LHPP: variants seen among roughly 807,000 people sequenced by gnomAD.
The protein encoded by LHPP is hLHPP.
LHPP carries 24 observed loss-of-function variants against 30.3 expected under a neutral mutation model. The ratio of observed to expected loss-of-function variants is 0.79; its 90% CI spans 0.57 to 1.11. The LOEUF (loss-of-function observed/expected upper bound fraction) is 1.11. LHPP is among the 50% of genes most tolerant of loss of function. The pLI is 0.00. For missense variants in LHPP, 356 were observed against 367.2 expected (o/e 0.97, Z 0.25); for synonymous variants, 150 against 157.1 (o/e 0.95, Z 0.34).
intron 6 of LHPP, among the ~76,000 whole-genome samples, chr10:124,542,830 C>T (rs1463274841): frequency 6.6e-6 from 1 of 152,288 alleles, no homozygotes; most frequent in Non-Finnish European, 1.5e-5. Context: ...GTTTTGTGGA[C>T]GCGCCTGCCT....
intron 1 of LHPP, among the ~76,000 whole-genome samples, chr10:124,475,381 A>C (rs1952913503): frequency 6.6e-6 from 1 of 151,880 alleles, no homozygotes; most frequent in Non-Finnish European, 1.5e-5. Context: ...CTCTACTAAA[A>C]ATACAAAAAA....
At position 124,497,890 on chromosome 10, in the gene LHPP, T is replaced by C; in HGVS notation, c.532-146T>C. 3 of 669,216 alleles carry C rather than the reference T, an allele frequency of 4.5e-6. No homozygotes were observed. In the South Asian group the frequency reaches 5.5e-5, roughly 12 times the overall value. 41.5% of individuals were successfully genotyped at this position (669,216 alleles called of 1,614,324 possible). Reference sequence around the variant, plus strand: ...TTTCTGGAGTTGTGAGGCTCCTGCCTGTGAGATGAGTTCTCAGGCCCACAG... The same window carrying C: ...TTTCTGGAGTTGTGAGGCTCCTGCCCGTGAGATGAGTTCTCAGGCCCACAG... On this transcript the variant is annotated intron_variant, in intron 4 of 6. Transcript: ENST00000368842.
At chr10:124,482,085 A>G (rs1440678324) in intron 1 of LHPP, among the ~76,000 whole-genome samples, 1 of 152,178 alleles carries the variant, frequency 6.6e-6, no homozygotes, top group Non-Finnish European at 1.5e-5. Context: ...ACATGGATAA[A>G]TTACATTCAC....
At chr10:124,546,969 A>C (rs6597841) in intron 6 of LHPP, among the ~76,000 whole-genome samples, 109,697 of 151,824 alleles carry the variant, frequency 0.72, 39,922 homozygotes, top group East Asian at 0.83. Context: ...CCCGCTCTTA[A>C]CCCGCCTCCC....
chr10:124,567,785 C>T (rs537179471), intron 6 of LHPP, among the ~76,000 whole-genome samples: 3 of 152,388 alleles, frequency 2.0e-5, no homozygotes, highest in East Asian at 3.9e-4. Flanking sequence ...CGCACAAACA[C>T]ATGGACACAC....
intron 6 of LHPP, among the ~76,000 whole-genome samples, chr10:124,599,446 C>G (rs1948994551): frequency 6.6e-6 from 1 of 152,230 alleles, no homozygotes; most frequent in African/African-American, 2.4e-5. Flanking sequence ...ACACAGAGCT[C>G]AGGGCCAGCG....
chr10:124,610,174 G>A (rs759733910), intron 6 of LHPP, among the ~76,000 whole-genome samples: 52 of 152,334 alleles, frequency 3.4e-4, no homozygotes, highest in Admixed American at 6.5e-4. Context: ...GCAGGATCAC[G>A]CATGTCTTCA....
chr10:124,533,603 C>T (rs570904244), intron 6 of LHPP, among the ~76,000 whole-genome samples: 9 of 152,222 alleles, frequency 5.9e-5, no homozygotes, highest in Non-Finnish European at 1.0e-4. Context: ...TACTGCATGG[C>T]GAGGAGGAGA....
chr10:124,547,279 C>A (rs1955373082), intron 6 of LHPP, among the ~76,000 whole-genome samples: 1 of 152,146 alleles, frequency 6.6e-6, no homozygotes, highest in Admixed American at 6.5e-5. Flanking sequence ...TAGACTGTTT[C>A]CCTTTTTTCC....
intron 6 of LHPP, among the ~76,000 whole-genome samples, chr10:124,610,465 T>TGCTGGTG: frequency 4.2e-5 from 5 of 117,686 alleles, no homozygotes; most frequent in Admixed American, 8.4e-5. Flanking sequence ...AGGGTGAGGG[T>TGCTGGTG]GAGGGTGCTG....
At chr10:124,583,344 A>G (rs1158303968) in intron 6 of LHPP, among the ~76,000 whole-genome samples, 1 of 152,174 alleles carries the variant, frequency 6.6e-6, no homozygotes, top group East Asian at 1.9e-4. Flanking sequence ...TAAGGGTACA[A>G]CTTCTGTTCT....
At chr10:124,528,700 C>T (rs751205710) in intron 6 of LHPP, among the ~76,000 whole-genome samples, 5 of 152,218 alleles carry the variant, frequency 3.3e-5, no homozygotes, top group South Asian at 4.1e-4. Context: ...CCACTGCCCA[C>T]GGGAGGAGGC....
rs571000999 is a variant in LHPP at position 124,585,089 on chromosome 10, T to G, written c.717-28175T>G. On this transcript the variant is annotated intron_variant, in intron 6 of 6. Transcript: ENST00000368842. ...AAATATTCCAGAATCAAAAAATATA[T>G]ATAGAGAGAAATTTGAAACACTTTT... Among the ~76,000 whole-genome samples, 7 of 152,270 alleles carry G rather than the reference T, an allele frequency of 4.6e-5. No homozygotes were observed. In the South Asian group the frequency reaches 1.0e-3, roughly 23 times the overall value.
At chr10:124,547,305 C>CA (rs527388871) in intron 6 of LHPP, among the ~76,000 whole-genome samples, 23 of 151,692 alleles carry the variant, frequency 1.5e-4, no homozygotes, top group Non-Finnish European at 2.9e-4. Context: ...TCATTACAAA[C>CA]AAAAAAAATT....
At chr10:124,578,291 G>T (rs370961470) in intron 6 of LHPP, among the ~76,000 whole-genome samples, 1 of 152,180 alleles carries the variant, frequency 6.6e-6, no homozygotes, top group Non-Finnish European at 1.5e-5. Flanking sequence ...CTCAGCACAC[G>T]CCCCGTGACC....
At chr10:124,548,094 C>G (rs11245283) in intron 6 of LHPP, among the ~76,000 whole-genome samples, 9,843 of 152,208 alleles carry the variant, frequency 0.065, 756 homozygotes, top group East Asian at 0.3. Flanking sequence ...TAAAGGGGAG[C>G]CTTTTCAAGC....
intron 3 of LHPP, among the ~76,000 whole-genome samples, chr10:124,489,412 G>T (rs1257811227): frequency 1.3e-5 from 2 of 152,126 alleles, no homozygotes; most frequent in African/African-American, 4.8e-5. Flanking sequence ...TGCAGCAAAT[G>T]GATATGTCTT....
Position 124,496,898 on chromosome 10 carries a change from C to A in LHPP, c.468-63C>A. The stretch of plus-strand genomic sequence containing the variant: ...CAGGCCCGGTGCTCAGCTCCCGATA[C>A]TTAGCATCCTGCGGTCAGCTCCCCG... On this transcript the variant is annotated intron_variant, in intron 3 of 6. Coordinates refer to ENST00000368842, the MANE Select transcript of LHPP (RefSeq NM_022126.4). This position sits in a 1 kb window ranked among gnomAD's most constrained non-coding sequence, Gnocchi z 4.3. 4 of 1,478,660 alleles carry A rather than the reference C, an allele frequency of 2.7e-6. No individual in the cohort carries two copies. The highest frequency in any genetic ancestry group is 3.8e-6 in the Non-Finnish European group (4 of 1,066,584). 91.6% of individuals were successfully genotyped at this position (1,478,660 alleles called of 1,614,324 possible).
At chr10:124,582,257 T>C (rs1948752952) in intron 6 of LHPP, among the ~76,000 whole-genome samples, 1 of 152,260 alleles carries the variant, frequency 6.6e-6, no homozygotes, top group Non-Finnish European at 1.5e-5. Context: ...ATTTTTATTT[T>C]TATTTTTATA....
Sources: gnomAD v4.1 joint callset for allele counts (sites outside exome capture counted in the v4.1 genomes callset) on GRCh38, gnomAD v4.1.1 for gene constraint, Gnocchi (gnomAD v3.1) non-coding constraint, MANE v1.5 for transcripts, NCBI Gene and HGNC (gene_info 2026-07-23, HGNC 2026-07-21) for gene names.